The following JPH3 variants were observed in gnomAD, a reference collection of about 807,000 sequenced individuals.
JPH3 encodes junctophilin-3.
Under a neutral mutation model 59.6 loss-of-function variants are expected in JPH3, and 11 were observed. The observed-to-expected ratio is 0.18, with a 90% CI of 0.12 to 0.31. The LOEUF is 0.31. JPH3 is among the 10% of genes least tolerant of loss of function. The pLI is 1.00. For missense variants in JPH3, 1,202 were observed against 1,105.7 expected, an observed-to-expected ratio of 1.09 and a Z score of -1.24; for synonymous variants, 673 against 483.6, an observed-to-expected ratio of 1.39 and a Z score of -5.14.
intron 4 of JPH3, among the ~76,000 whole-genome samples, chr16:87,692,997 G>C (rs1034637017): frequency 2.6e-5 from 4 of 152,238 alleles, no homozygotes; most frequent in South Asian, 2.1e-4. Context: ...GGTGGCATCA[G>C]TGGGCAGGGC....
chr16:87,614,896 G>A (rs1439516949), intron 1 of JPH3, among the ~76,000 whole-genome samples: 11 of 105,650 alleles, frequency 1.0e-4, no homozygotes, highest in African/African-American at 3.1e-4. Context: ...GTCCCCTCCC[G>A]GGATAAACGC....
intron 1 of JPH3, among the ~76,000 whole-genome samples, chr16:87,612,730 T>G (rs773678844): frequency 6.6e-6 from 1 of 151,992 alleles, no homozygotes; most frequent in Non-Finnish European, 1.5e-5. Context: ...TAAAATAGAC[T>G]AGAGGCCGGG....
At chr16:87,693,138 T>C (rs2033650680) in intron 4 of JPH3, among the ~76,000 whole-genome samples, 1 of 152,206 alleles carries the variant, frequency 6.6e-6, no homozygotes, top group Non-Finnish European at 1.5e-5. Flanking sequence ...GCAGCTTGCT[T>C]TCTCTCTGGC....
chr16:87,665,003 C>T (rs1388038486), intron 2 of JPH3, among the ~76,000 whole-genome samples: 2 of 152,250 alleles, frequency 1.3e-5, no homozygotes, highest in African/African-American at 4.8e-5. Flanking sequence ...GAGGCGTCTC[C>T]ACCATCTGTT....
chr16:87,668,958 C>A (rs1331149368), intron 2 of JPH3, among the ~76,000 whole-genome samples: 1 of 152,150 alleles, frequency 6.6e-6, no homozygotes, highest in African/African-American at 2.4e-5. Flanking sequence ...GGTAGCTGCA[C>A]ACGCATTACA....
chr16:87,690,739 T>A (rs915416624), intron 4 of JPH3, among the ~76,000 whole-genome samples: 2 of 152,128 alleles, frequency 1.3e-5, no homozygotes, highest in African/African-American at 4.8e-5. Flanking sequence ...CCTCTTTCCG[T>A]GAGAGGCTGC....
chr16:87,618,570 C>T (rs2031058106), intron 1 of JPH3, among the ~76,000 whole-genome samples: 1 of 152,210 alleles, frequency 6.6e-6, no homozygotes, highest in Admixed American at 6.5e-5. Context: ...TAACTCCACC[C>T]CAGCCTTTTT....
intron 2 of JPH3, 24 bp downstream of exon 2, chr16:87,645,059 G>T (rs376350533): frequency 1.3e-5 from 21 of 1,581,206 alleles, no homozygotes; most frequent in African/African-American, 2.7e-5. Context: ...GGGGCGGGGG[G>T]CCCTTCTTGG....
intron 4 of JPH3, 40 bp from the exon 5 acceptor site, chr16:87,696,540 C>G (rs190265353): frequency 6.4e-7 from 1 of 1,565,616 alleles, no homozygotes; most frequent in Non-Finnish European, 8.8e-7. Flanking sequence ...GCAGAGCCCC[C>G]CGCAGCTGTC....
chr16:87,634,881 G>C (rs1300479909), intron 1 of JPH3, among the ~76,000 whole-genome samples: 1 of 152,234 alleles, frequency 6.6e-6, no homozygotes, highest in Admixed American at 6.5e-5. Flanking sequence ...TTTCAGTCCC[G>C]CTCTAGCTGG....
chr16:87,633,310 G>C (rs1213595023), intron 1 of JPH3, among the ~76,000 whole-genome samples: 11 of 146,388 alleles, frequency 7.5e-5, no homozygotes, highest in Non-Finnish European at 1.2e-4. Flanking sequence ...TTTTAACTCA[G>C]CCACCTCTTT....
upstream of JPH3, among the ~76,000 whole-genome samples, chr16:87,602,414 G>C: frequency 1.1e-5 from 1 of 93,304 alleles, no homozygotes; most frequent in Non-Finnish European, 2.2e-5. Flanking sequence ...GCCGCGCTCC[G>C]GGGGCGGGGG....
At chr16:87,657,935 G>T (rs2032561306) in intron 2 of JPH3, among the ~76,000 whole-genome samples, 1 of 152,196 alleles carries the variant, frequency 6.6e-6, no homozygotes. Flanking sequence ...GCTGCCAGGG[G>T]ATGGACAGCT....
chr16:87,650,624 C>T (rs1459804347), intron 2 of JPH3, among the ~76,000 whole-genome samples: 8 of 152,336 alleles, frequency 5.3e-5, no homozygotes, highest in Non-Finnish European at 8.8e-5. Context: ...TAAAGTGTTA[C>T]TCCAGTGAAT....
chr16:87,617,610 T>C (rs2031019589), intron 1 of JPH3, among the ~76,000 whole-genome samples: 1 of 105,840 alleles, frequency 9.4e-6, no homozygotes, highest in Admixed American at 1.0e-4. Flanking sequence ...GGAGTGGAGA[T>C]AGTGGCTGGG....
chr16:87,637,738 C>T (rs1597252009), intron 1 of JPH3, among the ~76,000 whole-genome samples: 3 of 149,406 alleles, frequency 2.0e-5, no homozygotes, highest in African/African-American at 7.7e-5. Flanking sequence ...GGGCGAATGT[C>T]GAGGGAAAGC....
chr16:87,616,726 G>T (rs1463805216), intron 1 of JPH3, among the ~76,000 whole-genome samples: 1 of 152,146 alleles, frequency 6.6e-6, no homozygotes, highest in Non-Finnish European at 1.5e-5. Context: ...AGTCAGGATG[G>T]GGAGCACCCG....
At chr16:87,638,445 A>G (rs1597252569) in intron 1 of JPH3, among the ~76,000 whole-genome samples, 1 of 151,858 alleles carries the variant, frequency 6.6e-6, no homozygotes, top group Non-Finnish European at 1.5e-5. Flanking sequence ...CTGGGGAGAC[A>G]CAGGAGCGAC....
At chr16:87,675,738 C>T (rs1567610089) in intron 2 of JPH3, among the ~76,000 whole-genome samples, 3 of 152,338 alleles carry the variant, frequency 2.0e-5, no homozygotes, top group Middle Eastern at 6.8e-3. Context: ...CCAGCTGCAG[C>T]AGGAAGCAGG....
Sources: allele counts gnomAD v4.1 joint callset (sites outside exome capture counted in the v4.1 genomes callset), GRCh38; gene constraint gnomAD v4.1.1; transcripts MANE v1.5; gene names NCBI Gene and HGNC (gene_info 2026-07-23, HGNC 2026-07-21).